TEX11: variants seen among roughly 807,000 people sequenced by gnomAD.
The protein encoded by TEX11 is testis expressed 11.
TEX11 carries 7 observed loss-of-function variants against 84.4 expected under a neutral mutation model. The ratio of observed to expected loss-of-function variants is 0.08; its 90% CI spans 0.05 to 0.16. The LOEUF is 0.16. Among genes scored for constraint, TEX11 ranks in the 10% least tolerant of loss-of-function variants. The pLI, the probability that TEX11 is intolerant of heterozygous loss-of-function variation, is 1.00. For synonymous variants in TEX11, 264 were observed against 222.8 expected (o/e 1.18, Z -1.64); for missense variants, 551 against 660.5 (o/e 0.83, Z 1.82).
chrX:70,535,716 C>G (rs111370212), intron 28 of TEX11, among the ~76,000 whole-genome samples: 32 of 110,205 alleles, frequency 2.9e-4, no homozygotes, highest in African/African-American at 8.6e-4. Flanking sequence ...CCATTGCACT[C>G]CAGCCTGGGT....
intron 28 of TEX11, among the ~76,000 whole-genome samples, chrX:70,542,634 G>C (rs2088061510): frequency 8.9e-6 from 1 of 111,799 alleles, no homozygotes; most frequent in African/African-American, 3.2e-5. Context: ...AGAGTACTCT[G>C]CTCAGTCTAA....
intron 5 of TEX11, among the ~76,000 whole-genome samples, chrX:70,859,233 C>T: frequency 9.2e-6 from 1 of 108,586 alleles, no homozygotes. Context: ...TTTTAAAACA[C>T]TGGGAAAAAT....
Position 70,686,535 on chromosome X carries a change from G to A in TEX11, c.1005-3710C>T, listed in dbSNP as rs183221203. Among the ~76,000 whole-genome samples, 5 of 110,495 alleles carry A rather than the reference G, an allele frequency of 4.5e-5. No homozygotes were observed. The East Asian group carries it at 1.1e-3, about 25-fold the overall frequency. On this transcript the variant is annotated intron_variant, in intron 13 of 29. Coordinates refer to ENST00000374333, the MANE Select transcript of TEX11 (RefSeq NM_031276.3). ...GGAACAACACACTCTGGAGCCTGTC[G>A]GGAGGTGAGGGTGAGGGGAAGGAGA...
At chrX:70,803,268 G>A (rs1408491524) in intron 9 of TEX11, among the ~76,000 whole-genome samples, 1 of 112,174 alleles carries the variant, frequency 8.9e-6, no homozygotes, top group Non-Finnish European at 1.9e-5. Context: ...AGGCAAATAC[G>A]TTGACAATCC....
chrX:70,651,669 T>C lies in TEX11; in HGVS notation c.1381-117A>G, dbSNP rs2089813162. On this transcript the variant is annotated intron_variant, in intron 16 of 29. Coordinates refer to ENST00000374333, the MANE Select transcript of TEX11 (RefSeq NM_031276.3). ...GAGGGATACTCACAATGAAAATATATGAATCTAAGAAAAATATTTGCAGAA... is the reference window on the plus strand; with the variant it reads ...GAGGGATACTCACAATGAAAATATACGAATCTAAGAAAAATATTTGCAGAA... 4.9e-5 allele frequency: 22 copies of C among 447,777 alleles called. No individual in the cohort carries two copies. The South Asian group carries it at 9.4e-4, about 19-fold the overall frequency. 36.9% of individuals were successfully genotyped at this position (447,777 alleles called of 1,213,427 possible).
At chrX:70,582,696 TTAG>T (rs2088792475) in intron 25 of TEX11, among the ~76,000 whole-genome samples, 1 of 109,948 alleles carries the variant, frequency 9.1e-6, no homozygotes, top group Non-Finnish European at 1.9e-5. Flanking sequence ...ACCTCCTATG[TTAG>T]AATTGTGTTA....
chrX:70,783,319 A>G (rs1342444119), intron 9 of TEX11, among the ~76,000 whole-genome samples: 3 of 111,809 alleles, frequency 2.7e-5, no homozygotes, highest in East Asian at 2.8e-4. Context: ...TCTCTGGGGC[A>G]CATTTAAAGC....
chrX:70,712,743 C>A (rs2090450421), intron 13 of TEX11, among the ~76,000 whole-genome samples: 1 of 110,711 alleles, frequency 9.0e-6, no homozygotes, highest in Non-Finnish European at 1.9e-5. Context: ...CAAACAGGGA[C>A]AATTTGACTT....
intron 11 of TEX11, among the ~76,000 whole-genome samples, chrX:70,735,074 C>T (rs185481027): frequency 1.0e-3 from 112 of 109,469 alleles, no homozygotes; most frequent in African/African-American, 3.5e-3. Flanking sequence ...TTTTTTGAGA[C>T]GGAGTTTTGC....
At chrX:70,777,518 G>A (rs950081718) in intron 9 of TEX11, among the ~76,000 whole-genome samples, 11 of 111,195 alleles carry the variant, frequency 9.9e-5, no homozygotes, top group Non-Finnish European at 1.5e-4. Context: ...GCGTGGTGGC[G>A]CAAGCCTGTA....
chrX:70,734,858 T>C (rs1334507938), intron 11 of TEX11, among the ~76,000 whole-genome samples: 1 of 111,492 alleles, frequency 9.0e-6, no homozygotes, highest in Non-Finnish European at 1.9e-5. Context: ...AGGGCATCTA[T>C]ACTAAACCCA....
intron 25 of TEX11, among the ~76,000 whole-genome samples, chrX:70,585,139 T>C: frequency 9.0e-6 from 1 of 111,271 alleles, no homozygotes. Flanking sequence ...GTATAGAAAA[T>C]CCCAAAGAAA....
chrX:70,892,564 C>A (rs2091743919), intron 2 of TEX11, among the ~76,000 whole-genome samples: 1 of 110,578 alleles, frequency 9.0e-6, no homozygotes, highest in Non-Finnish European at 1.9e-5. Flanking sequence ...GAAACCCTGT[C>A]TCTACTAAAA....
the TEX11 span, among the ~76,000 whole-genome samples, chrX:70,515,475 A>G: frequency 1.8e-5 from 2 of 112,247 alleles, no homozygotes. Flanking sequence ...GCTGCATAGT[A>G]TTCCATGGTG....
intron 7 of TEX11, among the ~76,000 whole-genome samples, chrX:70,838,518 C>A (rs1357870803): frequency 8.9e-6 from 1 of 112,252 alleles, no homozygotes; most frequent in Non-Finnish European, 1.9e-5. Flanking sequence ...GCCAAGATGG[C>A]CGAATAGGAA....
chrX:70,871,640 CA>C (rs973724975), intron 4 of TEX11, among the ~76,000 whole-genome samples: 16 of 111,100 alleles, frequency 1.4e-4, no homozygotes, highest in Non-Finnish European at 2.5e-4. Flanking sequence ...TCCACTGTAT[CA>C]AAAAAAGTAT....
At chrX:70,619,655 C>T (rs1043185298) in intron 20 of TEX11, among the ~76,000 whole-genome samples, 4 of 111,602 alleles carry the variant, frequency 3.6e-5, no homozygotes, top group African/African-American at 1.3e-4. Flanking sequence ...AAAGGTGAAG[C>T]CATATATTGT....
intron 4 of TEX11, among the ~76,000 whole-genome samples, chrX:70,867,704 G>C (rs943006300): frequency 9.1e-6 from 1 of 110,215 alleles, no homozygotes; most frequent in Admixed American, 9.7e-5. Flanking sequence ...CAGAACAGAG[G>C]CTTCAGAAAT....
chrX:70,557,947 G>A (rs1603060835), intron 25 of TEX11, among the ~76,000 whole-genome samples: 1 of 111,480 alleles, frequency 9.0e-6, no homozygotes, highest in Non-Finnish European at 1.9e-5. Flanking sequence ...TCAGGAGTTC[G>A]AGACCAGCCT....
Sources: allele counts gnomAD v4.1 joint callset (sites outside exome capture counted in the v4.1 genomes callset), GRCh38; gene constraint gnomAD v4.1.1; transcripts MANE v1.5; gene names NCBI Gene and HGNC (gene_info 2026-07-23, HGNC 2026-07-21).